IQSEC1: variants seen among roughly 807,000 people sequenced by gnomAD.
IQSEC1 encodes the protein IQ motif and SEC7 domain-containing protein 1.
Under a neutral mutation model 91.0 loss-of-function variants are expected in IQSEC1, and 31 were observed. The ratio of observed to expected loss-of-function variants is 0.34; its 90% CI spans 0.26 to 0.46. IQSEC1 has a LOEUF of 0.46. Ranked by LOEUF, IQSEC1 falls within the 20% of genes least tolerant of loss-of-function variation. The pLI, the probability that IQSEC1 is intolerant of heterozygous loss-of-function variation, is 1.00. For synonymous variants in IQSEC1, 699 were observed against 662.6 expected (o/e 1.05, Z -0.84); for missense variants, 1,388 against 1,575.6 (o/e 0.88, Z 2.02).
At chr3:13,283,250 T>C (rs1353408211) in exon 1 of IQSEC1, among the ~76,000 whole-genome samples, 2 of 150,732 alleles carry the variant, frequency 1.3e-5, no homozygotes, top group Non-Finnish European at 3.0e-5. Context: ...CGAGGAGTTT[T>C]GCAAAGTGCC....
intron 1 of IQSEC1, among the ~76,000 whole-genome samples, chr3:13,278,271 T>A (rs1244297530): frequency 6.7e-6 from 1 of 150,334 alleles, no homozygotes; most frequent in African/African-American, 2.5e-5. Flanking sequence ...CCCAGCCTCC[T>A]TAGGCGATGT....
At chr3:13,111,934 A>AC (rs1267901304) in intron 2 of IQSEC1, among the ~76,000 whole-genome samples, 5 of 152,154 alleles carry the variant, frequency 3.3e-5, no homozygotes, top group Non-Finnish European at 7.4e-5. Flanking sequence ...AGACTAATAC[A>AC]CTGGGTGATT....
chr3:13,037,661 T>C (rs902284812), intron 1 of IQSEC1, among the ~76,000 whole-genome samples: 4 of 152,360 alleles, frequency 2.6e-5, no homozygotes, highest in East Asian at 3.9e-4. Flanking sequence ...TCCATACTTA[T>C]AGTGGAGTAT....
At chr3:12,902,894 G>T in intron 12 of IQSEC1, 72 bp from the exon 13 acceptor site, 2 of 1,152,446 alleles carry the variant, frequency 1.7e-6, no homozygotes, top group Non-Finnish European at 2.6e-6. Flanking sequence ...CTGGTGCCAC[G>T]CTGCTGCCAC....
chr3:12,934,979 GGCCT>G (rs1427031160), intron 3 of IQSEC1, among the ~76,000 whole-genome samples: 1 of 151,492 alleles, frequency 6.6e-6, no homozygotes, highest in African/African-American at 2.4e-5. Context: ...CCTCAGGTCT[GGCCT>G]GCATCCCCCA....
At chr3:13,098,786 G>C (rs561290034) in intron 2 of IQSEC1, among the ~76,000 whole-genome samples, 2 of 152,306 alleles carry the variant, frequency 1.3e-5, no homozygotes, top group South Asian at 4.1e-4. Context: ...GGTTACCAGG[G>C]ACTTAGGGGA....
chr3:13,106,310 C>A (rs577439768), intron 2 of IQSEC1, among the ~76,000 whole-genome samples: 106 of 152,338 alleles, frequency 7.0e-4, no homozygotes, highest in African/African-American at 2.3e-3. Context: ...TCTACCTCCC[C>A]CAGGCCTCAG....
chr3:12,916,864 T>C (rs1696147334), intron 6 of IQSEC1, among the ~76,000 whole-genome samples: 1 of 152,190 alleles, frequency 6.6e-6, no homozygotes, highest in Non-Finnish European at 1.5e-5. Flanking sequence ...GGGCCGTTTC[T>C]CTTAGATTTA....
intron 1 of IQSEC1, among the ~76,000 whole-genome samples, chr3:13,237,577 C>T (rs759703552): frequency 2.0e-5 from 3 of 152,182 alleles, no homozygotes; most frequent in Non-Finnish European, 4.4e-5. Flanking sequence ...TGCTGGGCTG[C>T]GCACTTCCCC....
intron 2 of IQSEC1, among the ~76,000 whole-genome samples, chr3:13,117,306 G>T (rs1706351089): frequency 6.7e-6 from 1 of 149,870 alleles, no homozygotes; most frequent in South Asian, 2.1e-4. Flanking sequence ...AAAAAAAACG[G>T]CCAGATGCAG....
intron 1 of IQSEC1, among the ~76,000 whole-genome samples, chr3:12,964,636 A>G (rs1029690347): frequency 1.9e-4 from 29 of 152,310 alleles, no homozygotes; most frequent in Middle Eastern, 3.4e-3. Flanking sequence ...CAGAAGGGGA[A>G]ACAGGCTTGG....
chr3:13,087,003 C>T (rs113199271), intron 2 of IQSEC1, among the ~76,000 whole-genome samples: 11 of 152,198 alleles, frequency 7.2e-5, no homozygotes, highest in African/African-American at 1.9e-4. Flanking sequence ...GCCAACCAAA[C>T]GAATGAATGA....
chr3:13,050,495 G>A (rs567676344), intron 1 of IQSEC1, among the ~76,000 whole-genome samples: 1 of 152,128 alleles, frequency 6.6e-6, no homozygotes, highest in Non-Finnish European at 1.5e-5. Context: ...ACCAGAAAAC[G>A]CCATTGCATG....
chr3:12,909,574 GC>G lies in IQSEC1; in HGVS notation c.2417-141del. 2 of 766,250 alleles carry G rather than the reference GC, an allele frequency of 2.6e-6. No individual in the cohort carries two copies. Among genetic ancestry groups the G allele is most frequent in the Non-Finnish European group, 4.2e-6 (2 of 473,188 alleles). 47.5% of individuals were successfully genotyped at this position (766,250 alleles called of 1,614,324 possible). On this transcript the variant is annotated intron_variant, in intron 10 of 13. Coordinates refer to ENST00000613206, the MANE Select transcript of IQSEC1 (RefSeq NM_001134382.3). This position sits in a 1 kb window ranked among gnomAD's most constrained non-coding sequence, Gnocchi z 4.9. ...TGCCGGGAGTCCAGCCTCCGCAGTG[GC>G]AGGCTGCAGGGGTGCAGAGCAACCT...
chr3:13,006,186 G>T (rs529239792), intron 1 of IQSEC1, among the ~76,000 whole-genome samples: 4 of 152,274 alleles, frequency 2.6e-5, no homozygotes, highest in Non-Finnish European at 4.4e-5. Context: ...CCTCCCACCT[G>T]AGCTGGGGGC....
At chr3:12,939,122 G>A (rs1457801617) in intron 2 of IQSEC1, among the ~76,000 whole-genome samples, 1 of 152,164 alleles carries the variant, frequency 6.6e-6, no homozygotes, top group East Asian at 1.9e-4. Context: ...CTCTCCCGAG[G>A]GGTTTCACTA....
chr3:13,196,767 T>C (rs1057249803), intron 1 of IQSEC1, among the ~76,000 whole-genome samples: 3 of 149,438 alleles, frequency 2.0e-5, no homozygotes, highest in Non-Finnish European at 4.4e-5. Context: ...TGTGTGTGTG[T>C]GTGTGTGTGT....
chr3:13,236,265 C>A lies in IQSEC1; in HGVS notation c.272+46446G>T, dbSNP rs990306501. Reference sequence around the variant, plus strand: ...TCCAACCCTCCAAGGCCAATGTCAGCCCCCTCACAGGTCCCCCAAGGCTGC... The same window carrying A: ...TCCAACCCTCCAAGGCCAATGTCAGACCCCTCACAGGTCCCCCAAGGCTGC... On this transcript the variant is annotated intron_variant, in intron 1 of 15. Coordinates refer to the IQSEC1 transcript ENST00000648114. Among the ~76,000 whole-genome samples, 6 of 152,276 alleles carry A rather than the reference C, an allele frequency of 3.9e-5. No homozygotes were observed. In the South Asian group the frequency reaches 1.2e-3, roughly 32 times the overall value.
rs1299422735 is a variant in IQSEC1 at position 12,901,178 on chromosome 3, C to G, written c.3150G>C (p.Gln1050His). 1.3e-6 allele frequency: 2 copies of G among 1,542,738 alleles called. No individual in the cohort carries two copies. The highest frequency in any genetic ancestry group is 1.4e-5 in the African/African-American group (1 of 72,792). ...YHHHHHHHPP[Q>H]HIQHAHQYHH... ...GGTACTGGTGTGCGTGCTGGATGTG[C>G]TGGGGTGGGTGGTGGTGGTGGTGAT... The change falls in exon 14 of 14, where the codon CAG (glutamine) becomes CAC (histidine). Residue 1050 changes from glutamine (Q) to histidine (H), a missense_variant. Transcript: ENST00000613206.
Sources: gnomAD v4.1 joint callset for allele counts (sites outside exome capture counted in the v4.1 genomes callset) on GRCh38, gnomAD v4.1.1 for gene constraint, Gnocchi (gnomAD v3.1) non-coding constraint, MANE v1.5 for transcripts, NCBI Gene and HGNC (gene_info 2026-07-23, HGNC 2026-07-21) for gene names.